Variants in HERC3 observed in about 807,000 individuals in gnomAD.
HERC3 encodes HECT and RLD domain containing E3 ubiquitin protein ligase 3, also known as probable E3 ubiquitin-protein ligase HERC3.
In HERC3, 58 loss-of-function variants were observed where a neutral mutation model predicts 129.9. That is an observed-to-expected ratio of 0.45 (90% CI 0.36 to 0.56). HERC3 has a LOEUF of 0.56. Ranked by LOEUF, HERC3 falls within the 20% of genes least tolerant of loss-of-function variation. The pLI is 0.00. For missense variants in HERC3, 835 were observed against 1,244.2 expected, an observed-to-expected ratio of 0.67 and a Z score of 4.95; for synonymous variants, 430 against 451.0, an observed-to-expected ratio of 0.95 and a Z score of 0.59.
chr4:88,591,701 G>T (rs144128676), upstream of HERC3, among the ~76,000 whole-genome samples: 523 of 152,232 alleles, frequency 3.4e-3, 3 homozygotes, highest in Middle Eastern at 0.014. Context: ...CCTTGGGGAG[G>T]GGGAGGAAGC....
Position 88,686,743 on chromosome 4 carries a change from C to CA in HERC3, c.2517dup (p.Glu840ArgfsTer29). On this transcript the variant is annotated frameshift_variant, in exon 22 of 26. Coordinates refer to ENST00000402738, the MANE Select transcript of HERC3 (RefSeq NM_014606.3). LOFTEE classifies it high-confidence loss of function. ...CTGTCATTCTATGATTAGGAGTCTC[C>CA]AAGAGCTTTTAGATTACCCCGGGGA... is the stretch of plus-strand genomic sequence containing the variant. The CA allele has an allele frequency of 6.2e-7, 1 of 1,609,296 alleles. No homozygotes were observed. Among genetic ancestry groups the CA allele is most frequent in the South Asian group, 1.1e-5 (1 of 90,970 alleles).
chr4:88,634,071 C>T (rs944013370), intron 3 of HERC3, among the ~76,000 whole-genome samples: 1 of 152,136 alleles, frequency 6.6e-6, no homozygotes, highest in African/African-American at 2.4e-5. Context: ...CCGGCATGAC[C>T]CACGGAGAGG....
intron 3 of HERC3, among the ~76,000 whole-genome samples, chr4:88,610,048 C>T (rs1724120715): frequency 6.6e-6 from 1 of 152,228 alleles, no homozygotes; most frequent in East Asian, 1.9e-4. Context: ...ACTCTCGTGG[C>T]CATTTTGGTT....
At chr4:88,637,244 C>T (rs893189015) in intron 3 of HERC3, among the ~76,000 whole-genome samples, 6 of 151,764 alleles carry the variant, frequency 4.0e-5, no homozygotes, top group South Asian at 2.1e-4. Flanking sequence ...GCTAACATGA[C>T]GAAACCCCGT....
intron 8 of HERC3, 88 bp from the exon 9 acceptor site, chr4:88,655,787 G>A: frequency 7.5e-7 from 1 of 1,334,798 alleles, no homozygotes; most frequent in Non-Finnish European, 1.1e-6. Context: ...ACCCTGTGCT[G>A]TGCACATGTG....
intron 2 of HERC3, among the ~76,000 whole-genome samples, chr4:88,603,516 C>T (rs964550779): frequency 2.2e-4 from 33 of 152,078 alleles, no homozygotes; most frequent in Admixed American, 2.0e-3. Context: ...CAATCGCTCT[C>T]TCTTAATTTG....
chr4:88,570,846 C>T, the HERC3 span, among the ~76,000 whole-genome samples: 26 of 152,110 alleles, frequency 1.7e-4, no homozygotes, highest in South Asian at 5.0e-3. Context: ...CTCCGCCTCC[C>T]GGGTTCACGC....
chr4:88,693,396 C>T (rs1734270155), intron 23 of HERC3: 4 of 972,772 alleles, frequency 4.1e-6, no homozygotes, highest in South Asian at 9.5e-5. Flanking sequence ...ATGTCATTAT[C>T]ACCATTTCAT....
intron 3 of HERC3, among the ~76,000 whole-genome samples, chr4:88,606,767 C>T (rs1273028707): frequency 6.6e-6 from 1 of 152,060 alleles, no homozygotes; most frequent in Non-Finnish European, 1.5e-5. Flanking sequence ...AAAGACCTGC[C>T]CCCATAATTC....
intron 23 of HERC3, chr4:88,693,481 A>G (rs1422956011): frequency 1.0e-6 from 1 of 972,650 alleles, no homozygotes; most frequent in Non-Finnish European, 1.2e-6. Context: ...TACTTTACAT[A>G]GTCTACACAG....
the HERC3 span, among the ~76,000 whole-genome samples, chr4:88,544,555 G>A: frequency 1.9e-4 from 29 of 152,160 alleles, no homozygotes; most frequent in African/African-American, 6.8e-4. Flanking sequence ...TTGACCCAGC[G>A]ATCCCATTAC....
the HERC3 span, among the ~76,000 whole-genome samples, chr4:88,558,967 CAAAA>C: frequency 3.6e-5 from 4 of 111,880 alleles, no homozygotes; most frequent in Admixed American, 8.9e-5. Context: ...GACTCTGTCT[CAAAA>C]AAAAAAAAAA....
upstream of HERC3, among the ~76,000 whole-genome samples, chr4:88,590,237 C>T (rs1721628773): frequency 6.6e-6 from 1 of 151,890 alleles, no homozygotes; most frequent in African/African-American, 2.4e-5. Flanking sequence ...CACTGCACTC[C>T]ATCCCAGGCA....
intron 3 of HERC3, among the ~76,000 whole-genome samples, chr4:88,642,617 T>C (rs1387422744): frequency 6.6e-6 from 1 of 152,226 alleles, no homozygotes; most frequent in Non-Finnish European, 1.5e-5. Context: ...TCCTCATAGA[T>C]GGTACCTTGT....
At chr4:88,693,447 G>A (rs1734277226) in intron 23 of HERC3, 1 of 967,490 alleles carries the variant, frequency 1.0e-6, no homozygotes. Context: ...TAAAAAAAAA[G>A]TTGCATTTCT....
chr4:88,609,240 A>G (rs934495331), intron 3 of HERC3, among the ~76,000 whole-genome samples: 1 of 152,032 alleles, frequency 6.6e-6, no homozygotes, highest in African/African-American at 2.4e-5. Context: ...CTGTGATTGC[A>G]TCATTGCACT....
chr4:88,620,616 A>G lies in HERC3; in HGVS notation c.226+14567A>G, dbSNP rs151292118. Among the ~76,000 whole-genome samples the G allele has an allele frequency of 4.4e-3, 673 of 152,208 alleles. 13 individuals carry two copies. Among genetic ancestry groups the G allele is most frequent in the African/African-American group, 0.015 (641 of 41,528 alleles). The stretch of plus-strand genomic sequence containing the variant: ...CATCATATCTCACCTGGATCATTGC[A>G]GTCATTTCTAATTGTTGTGCCTGTT... On this transcript the variant is annotated intron_variant, in intron 3 of 25. Transcript: ENST00000402738.
the HERC3 span, among the ~76,000 whole-genome samples, chr4:88,556,893 C>G: frequency 2.0e-5 from 3 of 152,072 alleles, no homozygotes; most frequent in African/African-American, 2.4e-5. Flanking sequence ...AGTTCTCTTG[C>G]CTTGGCCTCC....
At chr4:88,530,522 G>C in the HERC3 span, among the ~76,000 whole-genome samples, 14 of 152,176 alleles carry the variant, frequency 9.2e-5, no homozygotes, top group Non-Finnish European at 2.9e-5. Flanking sequence ...ATAGCCGTAA[G>C]AAATTATTTA....
Sources: allele counts gnomAD v4.1 joint callset (sites outside exome capture counted in the v4.1 genomes callset), GRCh38; gene constraint gnomAD v4.1.1; transcripts MANE v1.5; gene names NCBI Gene and HGNC (gene_info 2026-07-23, HGNC 2026-07-21).